EPC2: variants seen among roughly 807,000 people sequenced by gnomAD.
The protein encoded by EPC2 is enhancer of polycomb 2, also known as enhancer of polycomb homolog 2.
In EPC2, 14 loss-of-function variants were observed where a neutral mutation model predicts 92.1. The observed-to-expected ratio is 0.15, with a 90% confidence interval of 0.10 to 0.24. EPC2 has a LOEUF of 0.24. Among genes scored for constraint, EPC2 ranks in the 10% least tolerant of loss-of-function variants. EPC2 has a pLI of 1.00. For synonymous variants in EPC2, 340 were observed against 334.7 expected (o/e 1.02, Z -0.17); for missense variants, 755 against 971.5 (o/e 0.78, Z 2.96).
At chr2:148,722,691 A>G (rs575814184) in intron 2 of EPC2, among the ~76,000 whole-genome samples, 12 of 152,242 alleles carry the variant, frequency 7.9e-5, no homozygotes, top group Non-Finnish European at 1.5e-4. Context: ...CCAAAGAATT[A>G]TAATCATTCT....
At chr2:148,752,147 G>A (rs1387608713) in intron 3 of EPC2, among the ~76,000 whole-genome samples, 1 of 152,160 alleles carries the variant, frequency 6.6e-6, no homozygotes, top group Admixed American at 6.5e-5. Flanking sequence ...ACGTTCTGCT[G>A]ATTGGTGGAA....
chr2:148,696,723 C>A (rs1402347225), intron 2 of EPC2, among the ~76,000 whole-genome samples: 1 of 152,164 alleles, frequency 6.6e-6, no homozygotes, highest in Non-Finnish European at 1.5e-5. Context: ...CAAAGATAGG[C>A]CTTCAGCATA....
rs770025048 is a variant in EPC2, at chr2:148,786,264, G to T, written c.2352-41G>T. On this transcript the variant is annotated intron_variant, in intron 13 of 13. Coordinates refer to ENST00000258484, the MANE Select transcript of EPC2 (RefSeq NM_015630.4). ...CTAAATGGTAACGTCATGTTCTAGAGAGTATTGATATTTATTTTATCCTTT... is the reference window on the plus strand; with the variant it reads ...CTAAATGGTAACGTCATGTTCTAGATAGTATTGATATTTATTTTATCCTTT... The T allele has an allele frequency of 9.7e-6, 14 of 1,448,530 alleles. No homozygotes were observed. The South Asian group carries it at 1.7e-4, about 17-fold the overall frequency. 89.7% of individuals were successfully genotyped at this position (1,448,530 alleles called of 1,614,324 possible). A position where few individuals can be genotyped will look rare whatever the true frequency, so the allele number is the denominator to read the frequency against.
At chr2:148,672,936 AT>A (rs1350635379) in intron 1 of EPC2, among the ~76,000 whole-genome samples, 3 of 152,162 alleles carry the variant, frequency 2.0e-5, no homozygotes, top group Non-Finnish European at 2.9e-5. Flanking sequence ...TTTGTCTTTC[AT>A]TTTTGAAGAA....
intron 3 of EPC2, among the ~76,000 whole-genome samples, chr2:148,752,232 T>C (rs1683092855): frequency 6.6e-6 from 1 of 152,046 alleles, no homozygotes; most frequent in Admixed American, 6.6e-5. Context: ...CAAAATTTTA[T>C]CAGAAGTGAA....
chr2:148,708,620 G>A (rs1251979664), intron 2 of EPC2, among the ~76,000 whole-genome samples: 1 of 152,194 alleles, frequency 6.6e-6, no homozygotes, highest in Non-Finnish European at 1.5e-5. Flanking sequence ...ACTGAATTGA[G>A]AGGCACATCA....
In EPC2 at chr2:148,699,784, T is replaced by C. The variant is rs557015255; in HGVS notation, c.313+9411T>C. Among the ~76,000 whole-genome samples the C allele has an allele frequency of 2.6e-5, 4 of 152,324 alleles. No homozygotes were observed. In the South Asian group the frequency reaches 8.3e-4, roughly 32 times the overall value. On this transcript the variant is annotated intron_variant, in intron 2 of 13. Transcript: ENST00000258484. ...GGAGTGCAATTGCTGTAAACATGTT[T>C]AGTTTTATAAGAAGCTGCCAAACTG...
intron 1 of EPC2, among the ~76,000 whole-genome samples, chr2:148,678,531 C>G (rs2105364969): frequency 6.6e-6 from 1 of 152,356 alleles, no homozygotes; most frequent in South Asian, 2.1e-4. Flanking sequence ...GGCTGCAGGT[C>G]CCGAGCCCTG....
intron 1 of EPC2, among the ~76,000 whole-genome samples, chr2:148,664,586 T>C (rs1008359128): frequency 7.9e-5 from 12 of 152,246 alleles, no homozygotes; most frequent in African/African-American, 2.9e-4. Context: ...TTGATGTTTG[T>C]GTTACACCTG....
chr2:148,785,528 A>G (rs1401472847), intron 13 of EPC2, among the ~76,000 whole-genome samples: 1 of 152,124 alleles, frequency 6.6e-6, no homozygotes, highest in Non-Finnish European at 1.5e-5. Flanking sequence ...GGGTTTCACC[A>G]TGTTGGCCGG....
chr2:148,748,753 T>C (rs950659993), intron 3 of EPC2, among the ~76,000 whole-genome samples: 5 of 152,116 alleles, frequency 3.3e-5, no homozygotes, highest in Admixed American at 3.3e-4. Context: ...GCATTTTGAT[T>C]GTGATCTGTC....
chr2:148,750,571 A>G (rs1683066842), intron 3 of EPC2, among the ~76,000 whole-genome samples: 1 of 152,010 alleles, frequency 6.6e-6, no homozygotes, highest in Non-Finnish European at 1.5e-5. Context: ...AACCATGTAT[A>G]TTTTGATTTC....
At chr2:148,738,599 G>A (rs980552709) in intron 2 of EPC2, among the ~76,000 whole-genome samples, 5 of 152,210 alleles carry the variant, frequency 3.3e-5, no homozygotes, top group Middle Eastern at 3.2e-3. Context: ...AAGAGGGTAA[G>A]TGACATGAAT....
At chr2:148,726,765 G>GTTTTTTTTTTTTTTTTTGTTTTTTTT (rs201293391) in intron 2 of EPC2, among the ~76,000 whole-genome samples, 58 of 100,526 alleles carry the variant, frequency 5.8e-4, no homozygotes, top group Non-Finnish European at 8.2e-4. Flanking sequence ...TTTGTTTTTT[G>GTTTTTTTTTTTTTTTTTGTTTTTTTT]TTTTTTTTTT....
chr2:148,659,343 C>G (rs1383449066), intron 1 of EPC2, among the ~76,000 whole-genome samples: 6 of 151,930 alleles, frequency 3.9e-5, no homozygotes, highest in Non-Finnish European at 8.8e-5. Context: ...GGTTAAGAAT[C>G]ACATTTTAGT....
chr2:148,766,515 A>C (rs1683412481), intron 7 of EPC2, among the ~76,000 whole-genome samples: 1 of 152,216 alleles, frequency 6.6e-6, no homozygotes, highest in South Asian at 2.1e-4. Context: ...ACTCAGGCAG[A>C]GCTTTGAATA....
At chr2:148,755,576 T>G (rs1414438644) in intron 4 of EPC2, among the ~76,000 whole-genome samples, 2 of 152,206 alleles carry the variant, frequency 1.3e-5, no homozygotes, top group African/African-American at 4.8e-5. Flanking sequence ...TATGTTTAGA[T>G]ATGTTAGATA....
Position 148,765,014 on chromosome 2 carries a change from G to C in EPC2, c.1008G>C (p.Lys336Asn), listed in dbSNP as rs754125317. ...EASDVVRQKK[K>N]YPKKPKAEAL... ...CTGATGTGGTTCGTCAAAAGAAGAA[G>C]TACCCAAAGAAGCCTAAAGCAGAGG... Residue 336 changes from lysine to asparagine, a missense_variant, in exon 7 of 14, where the codon AAG becomes AAC. By Grantham distance (94) the Lys-to-Asn change is moderately conservative. Transcript: ENST00000258484. The C allele has an allele frequency of 2.5e-6, 4 of 1,605,348 alleles. No individual in the cohort carries two copies. Among genetic ancestry groups the C allele is most frequent in the Non-Finnish European group, 3.4e-6 (4 of 1,175,436 alleles).
At chr2:148,676,216 C>A (rs1454579031) in intron 1 of EPC2, among the ~76,000 whole-genome samples, 1 of 151,440 alleles carries the variant, frequency 6.6e-6, no homozygotes, top group Non-Finnish European at 1.5e-5. Context: ...AATGTCTTTA[C>A]AGAAACTCAG....
Sources: allele counts gnomAD v4.1 joint callset (sites outside exome capture counted in the v4.1 genomes callset), GRCh38; gene constraint gnomAD v4.1.1; transcripts MANE v1.5; gene names NCBI Gene and HGNC (gene_info 2026-07-23, HGNC 2026-07-21).